Variants in FAT4 observed in about 807,000 individuals in gnomAD.
FAT4 encodes the protein FAT atypical cadherin 4, also known as protocadherin Fat 4.
FAT4 carries 84 observed loss-of-function variants against 303.9 expected under a neutral mutation model. That is an observed-to-expected ratio of 0.28 (90% confidence interval 0.23 to 0.33). The LOEUF (loss-of-function observed/expected upper bound fraction) is 0.33. Ranked by LOEUF, FAT4 falls within the 10% of genes least tolerant of loss-of-function variation. The pLI is 1.00. For synonymous variants in FAT4, 2,307 were observed against 2,298.8 expected, an observed-to-expected ratio of 1.00 and a Z score of -0.10; for missense variants, 6,005 against 6,146.8, an observed-to-expected ratio of 0.98 and a Z score of 0.77.
Position 125,318,831 on chromosome 4 carries a change from C to T in FAT4, c.2420C>T (p.Ala807Val), listed in dbSNP as rs1039808. The T allele has an allele frequency of 0.44, 706,743 of 1,613,752 alleles. 157,577 individuals are homozygous for T. Among genetic ancestry groups the T allele is most frequent in the African/African-American group, 0.57 (42,766 of 74,892 alleles). Residue 807 changes from alanine to valine, a missense_variant, in exon 2 of 18, where the codon GCG (alanine) becomes GTG (valine). Transcript: ENST00000394329. ...AGCTTTGTGGTTTTTGAGAACGTGGCGCTGGGATATCATGTGGGTAGTGTG... is the reference window on the plus strand; with the variant it reads ...AGCTTTGTGGTTTTTGAGAACGTGGTGCTGGGATATCATGTGGGTAGTGTG... ...AYSFVVFENVALGYHVGSVSA... is the reference protein window; with the variant it reads ...AYSFVVFENVVLGYHVGSVSA...
In FAT4 at chr4:125,476,885, G is replaced by T. The variant is rs139475657; in HGVS notation, c.12300-270G>T. 1.3e-3 allele frequency among the ~76,000 whole-genome samples: 195 copies of T among 151,992 alleles called. 2 individuals are homozygous for T. Among genetic ancestry groups the T allele is most frequent in the African/African-American group, 4.3e-3 (180 of 41,460 alleles). ...CATTTTATTTTCCCTCTGAGAGTAT[G>T]CTCCTTCTTGTTGACTCAGTATTGT... On this transcript the variant is annotated intron_variant, in intron 13 of 17. Coordinates refer to ENST00000394329, the MANE Select transcript of FAT4 (RefSeq NM_001291303.3).
chr4:125,465,801 A>G (rs1041956963), intron 11 of FAT4, among the ~76,000 whole-genome samples: 18 of 152,202 alleles, frequency 1.2e-4, no homozygotes, highest in African/African-American at 4.3e-4. Context: ...ACATTATCTA[A>G]ACTTAGATAT....
intron 2 of FAT4, among the ~76,000 whole-genome samples, chr4:125,349,181 T>G (rs1732125204): frequency 6.6e-6 from 1 of 151,796 alleles, no homozygotes; most frequent in East Asian, 1.9e-4. Flanking sequence ...ATGATGTAAA[T>G]TATTACTGAA....
Position 125,319,473 on chromosome 4 carries a change from C to G in FAT4, c.3062C>G (p.Ser1021Cys). Residue 1021 changes from serine (S) to cysteine (C), a missense_variant, in exon 2 of 18, where the codon TCT becomes TGT. Transcript: ENST00000394329. ...TCTCGATTCTTTAAAGTACAAGCTT[C>G]TGATAAGGATTCAGGAGCAAATGGT... ...VNSRFFKVQA[S>C]DKDSGANGEI... is the part of the protein sequence containing the mutation. 1 of 1,613,830 alleles carries G rather than the reference C, an allele frequency of 6.2e-7. No homozygotes were observed. Among genetic ancestry groups the G allele is most frequent in the South Asian group, 1.1e-5 (1 of 91,074 alleles).
At chr4:125,487,230 C>T in intron 16 of FAT4, 115 bp from the exon 17 acceptor site, 2 of 837,264 alleles carry the variant, frequency 2.4e-6, no homozygotes, top group Non-Finnish European at 1.8e-6. Context: ...CAACCAGATT[C>T]TTCAGCTATT....
At chr4:125,332,087 A>G (rs1731407165) in intron 2 of FAT4, among the ~76,000 whole-genome samples, 1 of 151,596 alleles carries the variant, frequency 6.6e-6, no homozygotes, top group Non-Finnish European at 1.5e-5. Flanking sequence ...CAAAATATAG[A>G]TCTGCACAGG....
At chr4:125,374,963 C>T (rs747117833) in intron 2 of FAT4, among the ~76,000 whole-genome samples, 3 of 152,216 alleles carry the variant, frequency 2.0e-5, no homozygotes, top group African/African-American at 2.4e-5. Flanking sequence ...AAGTAAGTTG[C>T]CAAATATGAT....
chr4:125,325,479 A>T (rs1255052948), intron 2 of FAT4, among the ~76,000 whole-genome samples: 1 of 152,148 alleles, frequency 6.6e-6, no homozygotes, highest in Non-Finnish European at 1.5e-5. Flanking sequence ...AAAAGAAAAG[A>T]TTATGCATAC....
chr4:125,422,172 A>C (rs1724925416), intron 7 of FAT4, among the ~76,000 whole-genome samples: 1 of 152,206 alleles, frequency 6.6e-6, no homozygotes, highest in Non-Finnish European at 1.5e-5. Flanking sequence ...TTTAAATTTA[A>C]TTGTTAAATA....
chr4:125,355,891 A>C (rs77335503), intron 2 of FAT4, among the ~76,000 whole-genome samples: 1 of 151,468 alleles, frequency 6.6e-6, no homozygotes, highest in Non-Finnish European at 1.5e-5. Flanking sequence ...CCTTCCCCAG[A>C]TATTCTTACA....
intron 16 of FAT4, among the ~76,000 whole-genome samples, chr4:125,485,220 A>G (rs1324181450): frequency 6.6e-6 from 1 of 152,082 alleles, no homozygotes; most frequent in Non-Finnish European, 1.5e-5. Flanking sequence ...TAAATTTATC[A>G]AAAATATTTT....
intron 5 of FAT4, among the ~76,000 whole-genome samples, chr4:125,414,566 T>G (rs1378301689): frequency 6.6e-6 from 1 of 152,168 alleles, no homozygotes; most frequent in Admixed American, 6.6e-5. Context: ...TTACTAAAGT[T>G]ACAAATGTTT....
At chr4:125,434,540 C>G in intron 8 of FAT4, 115 bp downstream of exon 8, 1 of 847,970 alleles carries the variant, frequency 1.2e-6, no homozygotes, top group Non-Finnish European at 1.8e-6. Context: ...ATATCCTCTT[C>G]TTGTTATCCA....
At position 125,416,630 on chromosome 4, in the gene FAT4, C is replaced by A; in HGVS notation, c.7018+8C>A. 4 of 1,612,744 alleles carry A rather than the reference C, an allele frequency of 2.5e-6. No individual in the cohort carries two copies. The highest frequency in any genetic ancestry group is 3.4e-6 in the Non-Finnish European group (4 of 1,179,204). On this transcript the variant is annotated splice_region_variant and intron_variant, in intron 7 of 17. Coordinates refer to ENST00000394329, the MANE Select transcript of FAT4 (RefSeq NM_001291303.3). ...TTACAGCTACAGATTCAGGTAAGTC[C>A]ATTACACCCTTGTTCATTTGTAGAT...
chr4:125,317,290 G>A lies in FAT4; in HGVS notation c.879G>A (p.Gly293=). Reference sequence around the variant, plus strand: ...TCCGCTATCGCCTGCAGGACGAGGGGACCCCCTTCCAAATGGACCCTGAGA... The same window carrying A: ...TCCGCTATCGCCTGCAGGACGAGGGAACCCCCTTCCAAATGGACCCTGAGA... ...ADIRYRLQDE[G]TPFQMDPETG... Residue 293 remains glycine (G), a synonymous_variant, in exon 2 of 18, where the codon GGG becomes GGA. Transcript: ENST00000394329. The surrounding 1 kb of genome is among the most constrained non-coding windows in gnomAD (Gnocchi z 7.0). 6.3e-7 allele frequency: 1 copy of A among 1,594,318 alleles called. No individual in the cohort carries two copies. Among genetic ancestry groups the A allele is most frequent in the Non-Finnish European group, 8.6e-7 (1 of 1,168,002 alleles).
intron 7 of FAT4, among the ~76,000 whole-genome samples, chr4:125,429,723 T>G (rs183241597): frequency 1.1e-4 from 17 of 152,310 alleles, no homozygotes; most frequent in Admixed American, 6.5e-4. Context: ...TATTTCAATT[T>G]AGATATAAAT....
At chr4:125,360,229 T>C (rs536539658) in intron 2 of FAT4, among the ~76,000 whole-genome samples, 2 of 152,270 alleles carry the variant, frequency 1.3e-5, no homozygotes, top group African/African-American at 2.4e-5. Flanking sequence ...TTAACACCTC[T>C]TTCTCTCTTT....
At chr4:125,413,694 G>GAAGTTC (rs1734932581) in intron 5 of FAT4, among the ~76,000 whole-genome samples, 1 of 151,828 alleles carries the variant, frequency 6.6e-6, no homozygotes, top group Admixed American at 6.6e-5. Context: ...AGAACTTGAT[G>GAAGTTC]AAGTTCAAAA....
intron 11 of FAT4, among the ~76,000 whole-genome samples, chr4:125,466,921 C>T (rs1317951283): frequency 6.6e-6 from 1 of 151,844 alleles, no homozygotes; most frequent in Non-Finnish European, 1.5e-5. Flanking sequence ...ACTGCAGGTG[C>T]CTGCCACCAT....
Sources: allele counts gnomAD v4.1 joint callset (sites outside exome capture counted in the v4.1 genomes callset), GRCh38; gene constraint gnomAD v4.1.1; non-coding constraint Gnocchi (gnomAD v3.1); transcripts MANE v1.5; gene names NCBI Gene and HGNC (gene_info 2026-07-23, HGNC 2026-07-21).